Variants in ADAM22 observed in about 807,000 individuals in gnomAD.
The protein encoded by ADAM22 is ADAM metallopeptidase domain 22.
In ADAM22, 65 loss-of-function variants were observed where a neutral mutation model predicts 144.6. That is an observed-to-expected ratio of 0.45 (90% CI 0.37 to 0.55). The LOEUF (loss-of-function observed/expected upper bound fraction) is 0.55, where lower values mean the gene tolerates loss of function less well. Among genes scored for constraint, ADAM22 ranks in the 20% least tolerant of loss-of-function variants. The pLI, the probability that ADAM22 is intolerant of heterozygous loss-of-function variation, is 0.00. For synonymous variants in ADAM22, 391 were observed against 412.6 expected, an observed-to-expected ratio of 0.95 and a Z score of 0.63; for missense variants, 974 against 1,184.9, an observed-to-expected ratio of 0.82 and a Z score of 2.61.
At chr7:87,970,980 T>C (rs1219883962) in intron 2 of ADAM22, among the ~76,000 whole-genome samples, 1 of 152,234 alleles carries the variant, frequency 6.6e-6, no homozygotes, top group Non-Finnish European at 1.5e-5. Context: ...TCAGCCTCAC[T>C]GCTTGCCTCA....
In ADAM22 at chr7:88,082,662, C is replaced by T. The variant is rs542765864; in HGVS notation, c.390+6970C>T. 7.9e-5 allele frequency among the ~76,000 whole-genome samples: 12 copies of T among 151,864 alleles called. No individual in the cohort carries two copies. In the East Asian group the frequency reaches 2.1e-3, roughly 27 times the overall value. ...ACAAGAAAAAAACAAACAACCCCAT[C>T]AAAAAGTTTGCAAAGGATATGAACA... On this transcript the variant is annotated intron_variant, in intron 4 of 31. Transcript: ENST00000413139.
At chr7:88,021,658 C>T (rs1030120758) in intron 3 of ADAM22, among the ~76,000 whole-genome samples, 3 of 152,168 alleles carry the variant, frequency 2.0e-5, no homozygotes, top group Non-Finnish European at 4.4e-5. Flanking sequence ...GGTTCTAAAG[C>T]ACAGTTTCCA....
At chr7:88,088,829 A>C (rs1313128166) in intron 4 of ADAM22, among the ~76,000 whole-genome samples, 1 of 152,228 alleles carries the variant, frequency 6.6e-6, no homozygotes, top group Non-Finnish European at 1.5e-5. Flanking sequence ...ATCCAAAATT[A>C]TATGTGCAAT....
At chr7:88,128,814 A>G in intron 9 of ADAM22, 138 bp downstream of exon 9, 1 of 588,860 alleles carries the variant, frequency 1.7e-6, no homozygotes, top group South Asian at 2.4e-5. Flanking sequence ...ATATTTGTTA[A>G]CTAGCAACAA....
chr7:87,945,162 T>C (rs945440940), intron 2 of ADAM22, among the ~76,000 whole-genome samples: 2 of 152,204 alleles, frequency 1.3e-5, no homozygotes, highest in Non-Finnish European at 1.5e-5. Context: ...TGCAGGAGTT[T>C]TTCATACTCT....
At chr7:88,107,321 C>T (rs1219928874) in intron 4 of ADAM22, among the ~76,000 whole-genome samples, 1 of 150,984 alleles carries the variant, frequency 6.6e-6, no homozygotes, top group Non-Finnish European at 1.5e-5. Flanking sequence ...CCTGCCTCAG[C>T]CTCCCGAGTA....
intron 2 of ADAM22, among the ~76,000 whole-genome samples, chr7:87,943,368 A>G (rs561018066): frequency 6.6e-4 from 101 of 151,994 alleles, no homozygotes; most frequent in Non-Finnish European, 1.3e-3. Context: ...ACATCAACAT[A>G]AAATAATCTT....
chr7:88,154,705 CA>C (rs1471203557), intron 21 of ADAM22, among the ~76,000 whole-genome samples: 1 of 151,976 alleles, frequency 6.6e-6, no homozygotes, highest in Non-Finnish European at 1.5e-5. Context: ...AAATGACATT[CA>C]AAAAAGTTTT....
intron 2 of ADAM22, among the ~76,000 whole-genome samples, chr7:87,963,914 G>T (rs924386260): frequency 6.6e-6 from 1 of 151,962 alleles, no homozygotes; most frequent in Non-Finnish European, 1.5e-5. Context: ...TGAGAGTAAG[G>T]GTTTTATTTC....
intron 2 of ADAM22, among the ~76,000 whole-genome samples, chr7:87,967,254 A>G (rs913621877): frequency 1.3e-5 from 2 of 152,176 alleles, no homozygotes; most frequent in East Asian, 3.9e-4. Context: ...AAATTTTTTC[A>G]TGTAAAATAA....
chr7:88,037,947 G>T (rs1487935100), intron 3 of ADAM22, among the ~76,000 whole-genome samples: 3 of 152,172 alleles, frequency 2.0e-5, no homozygotes, highest in African/African-American at 7.2e-5. Context: ...AAGATAATGG[G>T]TTTAATTCTG....
At chr7:88,193,083 CAT>C in intron 30 of ADAM22, 31 bp from the exon 31 acceptor site, 1 of 1,612,902 alleles carries the variant, frequency 6.2e-7, no homozygotes, top group Non-Finnish European at 8.5e-7. Context: ...TAGGCAATCA[CAT>C]GATACTTAAT....
intron 9 of ADAM22, among the ~76,000 whole-genome samples, chr7:88,130,065 CAT>C (rs527803972): frequency 5.9e-4 from 90 of 152,182 alleles, no homozygotes; most frequent in Non-Finnish European, 1.2e-3. Context: ...AGACAACTTT[CAT>C]ATGTTTTATC....
chr7:88,195,724 A>G (rs1251823831), intron 31 of ADAM22, among the ~76,000 whole-genome samples: 1 of 151,974 alleles, frequency 6.6e-6, no homozygotes, highest in Non-Finnish European at 1.5e-5. Context: ...TCACCGTGTT[A>G]TGCAGGATGG....
At chr7:88,104,808 T>TC (rs1585752284) in intron 4 of ADAM22, among the ~76,000 whole-genome samples, 1 of 152,124 alleles carries the variant, frequency 6.6e-6, no homozygotes, top group South Asian at 2.1e-4. Flanking sequence ...ATTTTTTTTT[T>TC]CCCCTGGTGT....
chr7:87,993,641 A>G (rs1040009713), intron 3 of ADAM22, among the ~76,000 whole-genome samples: 5 of 152,194 alleles, frequency 3.3e-5, no homozygotes, highest in Non-Finnish European at 7.3e-5. Flanking sequence ...TCTGCTGTGC[A>G]GTGTGGTCAC....
intron 21 of ADAM22, among the ~76,000 whole-genome samples, chr7:88,154,769 G>A (rs1378534691): frequency 1.3e-5 from 2 of 151,990 alleles, no homozygotes; most frequent in African/African-American, 4.8e-5. Context: ...GATAGATACA[G>A]TAAAATGATA....
intron 3 of ADAM22, among the ~76,000 whole-genome samples, chr7:87,998,710 T>G (rs1791830288): frequency 6.6e-6 from 1 of 152,132 alleles, no homozygotes; most frequent in South Asian, 2.1e-4. Context: ...TATTTTAAAG[T>G]CAGCTGGTTA....
intron 4 of ADAM22, among the ~76,000 whole-genome samples, chr7:88,081,826 G>T (rs1192247587): frequency 2.7e-3 from 401 of 146,302 alleles, no homozygotes; most frequent in African/African-American, 7.8e-3. Context: ...CACTGCTCAA[G>T]GAAATAAAAG....
Sources: gnomAD v4.1 joint callset for allele counts (sites outside exome capture counted in the v4.1 genomes callset) on GRCh38, gnomAD v4.1.1 for gene constraint, MANE v1.5 for transcripts, NCBI Gene and HGNC (gene_info 2026-07-23, HGNC 2026-07-21) for gene names.